PRKDC: variants seen among roughly 807,000 people sequenced by gnomAD.
PRKDC encodes protein kinase, DNA-activated, catalytic subunit, also known as DNA-dependent protein kinase catalytic subunit.
In PRKDC, 82 loss-of-function variants were observed where a neutral mutation model predicts 486.9. The observed-to-expected ratio is 0.17, with a 90% CI of 0.14 to 0.20. The LOEUF is 0.20. PRKDC is among the 10% of genes least tolerant of loss of function. PRKDC has a pLI of 1.00. For synonymous variants in PRKDC, 1,895 were observed against 1,837.0 expected (o/e 1.03, Z -0.81); for missense variants, 4,504 against 5,038.2 (o/e 0.89, Z 3.21).
chr8:47,833,283 T>A (rs2087931824), intron 59 of PRKDC, among the ~76,000 whole-genome samples: 1 of 152,208 alleles, frequency 6.6e-6, no homozygotes, highest in Non-Finnish European at 1.5e-5. Flanking sequence ...TACGATTAGA[T>A]AAGAAGGCAG....
chr8:47,922,017 G>A lies in PRKDC; in HGVS notation c.2420-3634C>T, dbSNP rs114997015. 7.2e-3 allele frequency among the ~76,000 whole-genome samples: 1,090 copies of A among 152,272 alleles called. 17 individuals carry two copies. Among genetic ancestry groups the A allele is most frequent in the African/African-American group, 0.025 (1,050 of 41,552 alleles). ...GTTGGTCTCGAACTCATGACTTCAC[G>A]TGATCTGCCTACCTCGGCCTCCCTA... On this transcript the variant is annotated intron_variant, in intron 21 of 85. Transcript: ENST00000314191.
chr8:47,773,831 C>T lies in PRKDC; in HGVS notation c.*342G>A, dbSNP rs8178269. The stretch of plus-strand genomic sequence containing the variant: ...GGCATTCCAAGGCTTCCCCACATTT[C>T]CTCCATTTACGGAGACAGCTGTTTC... On this transcript the variant is annotated 3_prime_UTR_variant, in exon 86 of 86. Transcript: ENST00000314191. 7 of 251,944 alleles carry T rather than the reference C, an allele frequency of 2.8e-5. No individual in the cohort carries two copies. The Admixed American group carries it at 3.6e-4, about 13-fold the overall frequency. The allele number at this position is 251,944 out of a possible 1,614,324, so 15.6% of individuals were successfully genotyped here.
At chr8:47,803,741 G>C (rs2087157820) in intron 69 of PRKDC, among the ~76,000 whole-genome samples, 1 of 152,124 alleles carries the variant, frequency 6.6e-6, no homozygotes, top group South Asian at 2.1e-4. Flanking sequence ...CCTGAGTCTA[G>C]GAATTTGAAA....
chr8:47,929,705 C>T (rs944284341), intron 18 of PRKDC, 148 bp downstream of exon 18: 6 of 876,452 alleles, frequency 6.8e-6, no homozygotes, highest in Non-Finnish European at 8.2e-6. Context: ...ATCCAACTGC[C>T]ATTCACATAT....
At chr8:47,851,482 G>C (rs1429886403) in intron 52 of PRKDC, among the ~76,000 whole-genome samples, 2 of 152,112 alleles carry the variant, frequency 1.3e-5, no homozygotes, top group Non-Finnish European at 2.9e-5. Context: ...ATCCATACTT[G>C]GTGACATGGA....
intron 35 of PRKDC, among the ~76,000 whole-genome samples, chr8:47,887,310 T>C (rs1260876819): frequency 6.6e-6 from 1 of 152,078 alleles, no homozygotes; most frequent in African/African-American, 2.4e-5. Flanking sequence ...TAATTCCTTT[T>C]GGAAACAAAG....
intron 44 of PRKDC, 104 bp from the exon 45 acceptor site, chr8:47,861,075 A>T (rs2088666929): frequency 2.6e-6 from 2 of 783,076 alleles, no homozygotes; most frequent in South Asian, 2.1e-5. Context: ...AAATTTTTAA[A>T]CAAAACAAAA....
intron 31 of PRKDC, among the ~76,000 whole-genome samples, chr8:47,891,443 G>A (rs994023104): frequency 8.5e-5 from 13 of 152,120 alleles, no homozygotes; most frequent in Non-Finnish European, 1.3e-4. Context: ...ATTCTCAGCC[G>A]GGCGCGGTGG....
In PRKDC at chr8:47,890,330, C is replaced by T. The variant is rs1270716809; in HGVS notation, c.3998G>A (p.Ser1333Asn). Residue 1333 changes from serine to asparagine, a missense_variant, in exon 32 of 86, where the codon AGC becomes AAC. Physicochemically the swap from Ser to Asn is conservative, Grantham distance 46. This residue lies in a region of PRKDC where 1,969 missense variants were observed against 2,068.9 expected (regional missense o/e 0.95). Coordinates refer to ENST00000314191, the MANE Select transcript of PRKDC (RefSeq NM_006904.7). ...SPQEGERYNY[S>N]KCTVVVRIME... is the part of the protein sequence containing the mutation. Reference sequence around the variant, plus strand: ...AATCCGGACCACAACGGTGCATTTGCTGTAGTTGTACCTTTCTCCCTCTTG... The same window carrying T: ...AATCCGGACCACAACGGTGCATTTGTTGTAGTTGTACCTTTCTCCCTCTTG... 6.2e-7 allele frequency: 1 copy of T among 1,613,316 alleles called. No individual in the cohort carries two copies. The highest frequency in any genetic ancestry group is 8.5e-7 in the Non-Finnish European group (1 of 1,179,816).
intron 40 of PRKDC, among the ~76,000 whole-genome samples, chr8:47,873,975 T>A (rs1589757481): frequency 6.6e-6 from 1 of 151,086 alleles, no homozygotes; most frequent in Admixed American, 6.6e-5. Flanking sequence ...CAGTCAATGG[T>A]ATTTTGCTAT....
intron 54 of PRKDC, among the ~76,000 whole-genome samples, chr8:47,841,207 C>T (rs1443034302): frequency 6.6e-6 from 1 of 152,198 alleles, no homozygotes; most frequent in Non-Finnish European, 1.5e-5. Flanking sequence ...AGAGAGAAGG[C>T]ACAGGCAGAG....
At chr8:47,872,957 CA>C (rs1289355212) in intron 40 of PRKDC, among the ~76,000 whole-genome samples, 1 of 152,086 alleles carries the variant, frequency 6.6e-6, no homozygotes, top group Non-Finnish European at 1.5e-5. Context: ...CAGATGTTTA[CA>C]GAACATCTGA....
In PRKDC at chr8:47,782,443, T is replaced by C. The variant is rs1404920368; in HGVS notation, c.11331A>G (p.Gln3777=). ...GGGCCCTCTGGCTGCAGGCGGAGTC[T>C]TGGGCCAGGATCCCATTCATGACCT... ...LFQVMNGILA[Q]DSACSQRALQ... is the part of the protein sequence containing the mutation. Residue 3777 remains glutamine (Q), a synonymous_variant, in exon 79 of 86, where the codon CAA becomes CAG. Transcript: ENST00000314191. This position sits in a 1 kb window ranked among gnomAD's most constrained non-coding sequence, Gnocchi z 4.9. 3.8e-6 allele frequency: 6 copies of C among 1,597,082 alleles called. No homozygotes were observed. Among genetic ancestry groups the C allele is most frequent in the Non-Finnish European group, 5.1e-6 (6 of 1,172,640 alleles).
At chr8:47,890,904 T>G (rs1021505551) in intron 31 of PRKDC, among the ~76,000 whole-genome samples, 2 of 152,208 alleles carry the variant, frequency 1.3e-5, no homozygotes. Context: ...TTAGCACTGT[T>G]ATCAATAATG....
intron 40 of PRKDC, among the ~76,000 whole-genome samples, chr8:47,867,653 G>A (rs1400456342): frequency 6.6e-6 from 1 of 152,012 alleles, no homozygotes; most frequent in Non-Finnish European, 1.5e-5. Flanking sequence ...GAAAGGAAAA[G>A]AGAACAAGAT....
chr8:47,956,977 C>CAAAAAAA (rs2090713226), intron 3 of PRKDC, among the ~76,000 whole-genome samples, 194 bp downstream of exon 3: 4 of 11,396 alleles, frequency 3.5e-4, no homozygotes, highest in Non-Finnish European at 4.3e-4. Flanking sequence ...AACTCCTTCT[C>CAAAAAAA]CAAAAAAAAA....
At chr8:47,905,141 C>T (rs1320606951) in intron 25 of PRKDC, among the ~76,000 whole-genome samples, 165 bp from the exon 26 acceptor site, 1 of 152,154 alleles carries the variant, frequency 6.6e-6, no homozygotes, top group Non-Finnish European at 1.5e-5. Flanking sequence ...CCCCTCCCAC[C>T]TCAACCTCCA....
rs114269107 is a variant in PRKDC at position 47,909,224 on chromosome 8, G to A, written c.2934+3186C>T. Among the ~76,000 whole-genome samples, 744 of 152,294 alleles carry A rather than the reference G, an allele frequency of 4.9e-3. 8 individuals are homozygous for A. Among genetic ancestry groups the A allele is most frequent in the African/African-American group, 0.017 (693 of 41,568 alleles). On this transcript the variant is annotated intron_variant, in intron 25 of 85. Transcript: ENST00000314191. ...CCACACGGAGGGACCGGTTGGAGCC[G>A]AGGCAGAAGAACGTAAATTGTGAAG...
rs181293156 is a variant in PRKDC at position 47,802,778 on chromosome 8, G to A, written c.9922+528C>T. Among the ~76,000 whole-genome samples the A allele has an allele frequency of 5.5e-3, 830 of 151,516 alleles. 8 individuals are homozygous for A. Among genetic ancestry groups the A allele is most frequent in the Middle Eastern group, 0.024 (7 of 294 alleles). On this transcript the variant is annotated intron_variant, in intron 70 of 85. Transcript: ENST00000314191. ...CACCATTCTCCTGCCTCAGCCTCCC[G>A]AGTAGCTGGGACTACAGGCGCCCAC...
Sources: gnomAD v4.1 joint callset for allele counts (sites outside exome capture counted in the v4.1 genomes callset) on GRCh38, gnomAD v4.1.1 for gene constraint, gnomAD v4.1.1 regional missense constraint, Gnocchi (gnomAD v3.1) non-coding constraint, MANE v1.5 for transcripts, NCBI Gene and HGNC (gene_info 2026-07-23, HGNC 2026-07-21) for gene names.